The following FSD1 variants were observed in gnomAD, a reference collection of about 807,000 sequenced individuals.
FSD1 encodes fibronectin type III and SPRY domain containing 1, also known as fibronectin type III and SPRY domain-containing protein 1.
In FSD1, 23 loss-of-function variants were observed where a neutral mutation model predicts 58.2. The ratio of observed to expected loss-of-function variants is 0.40; its 90% CI spans 0.28 to 0.56. The LOEUF is 0.56. Among genes scored for constraint, FSD1 ranks in the 20% least tolerant of loss-of-function variants. The pLI is 0.54. For missense variants in FSD1, 563 were observed against 670.8 expected (o/e 0.84, Z 1.78); for synonymous variants, 265 against 263.4 (o/e 1.01, Z -0.06).
At position 4,323,615 on chromosome 19, in the gene FSD1, C is replaced by A; in HGVS notation, c.1463C>A (p.Thr488Asn). The A allele has an allele frequency of 6.2e-7, 1 of 1,613,090 alleles. No individual in the cohort carries two copies. The highest frequency in any genetic ancestry group is 1.1e-5 in the South Asian group (1 of 91,016). Residue 488 changes from threonine to asparagine, a missense_variant, in exon 13 of 13, where the codon ACC (threonine) becomes AAC (asparagine). Coordinates refer to ENST00000221856, the MANE Select transcript of FSD1 (RefSeq NM_024333.3). The surrounding 1 kb of genome is among the most constrained non-coding windows in gnomAD (Gnocchi z 7.7). Reference sequence around the variant, plus strand: ...TGCCTGCAAAAGCGAGGCAGTGCTACCAGCAGCTCCAACACCAGCCTCACC... The same window carrying A: ...TGCCTGCAAAAGCGAGGCAGTGCTAACAGCAGCTCCAACACCAGCCTCACC... The part of the protein sequence containing the change: ...VRCLQKRGSA[T>N]SSSNTSLT
intron 7 of FSD1, 141 bp from the exon 8 acceptor site, chr19:4,317,041 G>T (rs1971762603): frequency 3.3e-6 from 2 of 599,918 alleles, no homozygotes; most frequent in South Asian, 1.7e-5. Flanking sequence ...GCGTGAGCCA[G>T]TGCGCCCGGC....
At chr19:4,318,137 C>T (rs189324864) in intron 8 of FSD1, among the ~76,000 whole-genome samples, 144 of 151,820 alleles carry the variant, frequency 9.5e-4, no homozygotes, top group Admixed American at 1.2e-3. Flanking sequence ...TCTTGTCTCT[C>T]CTGTTGTCCT....
Position 4,310,601 on chromosome 19 carries a change from G to T in FSD1, c.490+5G>T. 1 of 1,611,974 alleles carries T rather than the reference G, an allele frequency of 6.2e-7. No homozygotes were observed. ...AGGCACTCAAGTTCCTGCCTGGTGA[G>T]AGGGGCACGCACTAGAGGGCCAGGA... On this transcript the variant is annotated splice_donor_5th_base_variant and intron_variant, in intron 6 of 12. Transcript: ENST00000221856.
chr19:4,322,907 G>A, intron 10 of FSD1, 79 bp from the exon 11 acceptor site: 1 of 1,499,898 alleles, frequency 6.7e-7, no homozygotes, highest in Non-Finnish European at 9.0e-7. Context: ...GCACCTTGGG[G>A]GCTGGCCCTT....
intron 6 of FSD1, chr19:4,311,595 A>G (rs182012318): frequency 3.9e-4 from 175 of 451,966 alleles, no homozygotes; most frequent in African/African-American, 3.2e-3. Flanking sequence ...GAGGCAGGAG[A>G]ATCGCTTGAA....
intron 1 of FSD1, 54 bp from the exon 2 acceptor site, chr19:4,305,868 ATGTGCGTACACGTGTGTGTACCTG>A: frequency 9.7e-7 from 1 of 1,033,704 alleles, no homozygotes; most frequent in Non-Finnish European, 1.5e-6. Flanking sequence ...ACGTGTGTAC[ATGTGCGTACACGTGTGTGTACCTG>A]TGTGCGCACA....
At chr19:4,304,894 C>G in intron 1 of FSD1, 133 bp downstream of exon 1, 1 of 421,340 alleles carries the variant, frequency 2.4e-6, no homozygotes, top group African/African-American at 2.3e-5. Context: ...CCACCCCATT[C>G]GCGACCCCGC....
At chr19:4,308,281 G>A (rs1002423113) in intron 4 of FSD1, among the ~76,000 whole-genome samples, 2 of 152,096 alleles carry the variant, frequency 1.3e-5, no homozygotes, top group Non-Finnish European at 2.9e-5. Context: ...GGTGGTGGGC[G>A]CCTGTAATCC....
intron 7 of FSD1, among the ~76,000 whole-genome samples, chr19:4,313,716 CA>C (rs545387721): frequency 0.072 from 7,321 of 101,090 alleles, 178 homozygotes; most frequent in Middle Eastern, 0.19. Context: ...GACTCCGTCT[CA>C]AAAAAAAAAA....
intron 8 of FSD1, among the ~76,000 whole-genome samples, chr19:4,318,056 G>T (rs1599540488): frequency 6.6e-6 from 1 of 151,972 alleles, no homozygotes; most frequent in South Asian, 2.1e-4. Flanking sequence ...ACGTGGGAGG[G>T]AGACTTTTAG....
intron 8 of FSD1, 59 bp downstream of exon 8, chr19:4,317,339 C>T: frequency 9.7e-7 from 1 of 1,030,358 alleles, no homozygotes; most frequent in East Asian, 2.4e-5. Flanking sequence ...TCCCACAGCC[C>T]CCAGAGACCA....
intron 10 of FSD1, among the ~76,000 whole-genome samples, chr19:4,319,201 G>T (rs984414282): frequency 5.3e-5 from 8 of 152,240 alleles, no homozygotes; most frequent in African/African-American, 1.9e-4. Context: ...AGGAGCTTGG[G>T]GGCAATTTTC....
chr19:4,321,581 TG>T (rs1971819131), intron 10 of FSD1, among the ~76,000 whole-genome samples: 1 of 151,414 alleles, frequency 6.6e-6, no homozygotes, highest in Non-Finnish European at 1.5e-5. Flanking sequence ...GAGGAGTATC[TG>T]GGAGGAATGG....
chr19:4,323,083 C>T lies in FSD1; in HGVS notation c.1137C>T (p.Gly379=). 2 of 1,610,384 alleles carry T rather than the reference C, an allele frequency of 1.2e-6. No individual in the cohort carries two copies. The highest frequency in any genetic ancestry group is 1.7e-6 in the Non-Finnish European group (2 of 1,179,732). The change falls in exon 11 of 13, where the codon GGC becomes GGT. Residue 379 remains glycine, a synonymous_variant. Transcript: ENST00000221856. This position sits in a 1 kb window ranked among gnomAD's most constrained non-coding sequence, Gnocchi z 7.7. ...FGVGVAYRSL[G]RFEQLGKTAA... is the part of the protein sequence containing the mutation. ...TGGGCGTGGCCTACCGCAGCCTGGGCCGCTTCGAGCAACTGGGCAAGACGG... is the reference window on the plus strand; with the variant it reads ...TGGGCGTGGCCTACCGCAGCCTGGGTCGCTTCGAGCAACTGGGCAAGACGG...
chr19:4,318,764 A>G (rs1971782851), intron 9 of FSD1, 108 bp from the exon 10 acceptor site: 1 of 915,706 alleles, frequency 1.1e-6, no homozygotes, highest in South Asian at 1.4e-5. Flanking sequence ...ACTGCCAGAG[A>G]TTGACCCAAC....
In FSD1 at chr19:4,310,795, G is replaced by C. The variant is rs531084449; in HGVS notation, c.490+199G>C. ...CCGCCCCTGGGTGGAGCCATGGGAA[G>C]ACCCCACCCACTGTGTAGTGACATC... On this transcript the variant is annotated intron_variant, in intron 6 of 12. Coordinates refer to ENST00000221856, the MANE Select transcript of FSD1 (RefSeq NM_024333.3). 4.2e-5 allele frequency: 24 copies of C among 572,298 alleles called. No individual in the cohort carries two copies. In the South Asian group the frequency reaches 4.2e-4, roughly 10 times the overall value. The allele number at this position is 572,298 out of a possible 1,614,324, so 35.5% of individuals were successfully genotyped here. A position where few individuals can be genotyped will look rare whatever the true frequency, so the allele number is the denominator to read the frequency against.
Position 4,318,421 on chromosome 19 carries a change from C to G in FSD1, c.875C>G (p.Ala292Gly). ...RVDDLSVEWDAMGGKVQDIKA... is the reference protein window; with the variant it reads ...RVDDLSVEWDGMGGKVQDIKA... ...GATGATCTCTCCGTGGAGTGGGACG[C>G]TATGGGCGGGAAGGTGCAGGATATC... The change falls in exon 9 of 13, where the codon GCT becomes GGT. Residue 292 changes from alanine to glycine, a missense_variant. Coordinates refer to ENST00000221856, the MANE Select transcript of FSD1 (RefSeq NM_024333.3). The G allele has an allele frequency of 6.2e-7, 1 of 1,613,894 alleles. No individual in the cohort carries two copies. Among genetic ancestry groups the G allele is most frequent in the South Asian group, 1.1e-5 (1 of 91,084 alleles).
At chr19:4,310,324 C>T (rs774618825) in intron 5 of FSD1, 29 bp downstream of exon 5, 2 of 1,613,640 alleles carry the variant, frequency 1.2e-6, no homozygotes, top group South Asian at 1.1e-5. Flanking sequence ...GCCCCCACCC[C>T]ACTACCCTGC....
chr19:4,319,256 A>C (rs1188885522), intron 10 of FSD1, among the ~76,000 whole-genome samples: 2 of 152,070 alleles, frequency 1.3e-5, no homozygotes, highest in African/African-American at 4.8e-5. Flanking sequence ...GCTGGGATTT[A>C]GGGAGTAGCT....
Sources: allele counts gnomAD v4.1 joint callset (sites outside exome capture counted in the v4.1 genomes callset), GRCh38; gene constraint gnomAD v4.1.1; non-coding constraint Gnocchi (gnomAD v3.1); transcripts MANE v1.5; gene names NCBI Gene and HGNC (gene_info 2026-07-23, HGNC 2026-07-21).